The following TARBP1 variants were observed in gnomAD, a reference collection of about 807,000 sequenced individuals.
The protein encoded by TARBP1 is tRNA guanosine 2 -O-methyltransferase TARBP1.
Under a neutral mutation model 178.6 loss-of-function variants are expected in TARBP1, and 144 were observed. That is an observed-to-expected ratio of 0.81 (90% CI 0.70 to 0.93). The LOEUF is 0.93. TARBP1 is among the 40% of genes least tolerant of loss of function. The probability of loss-of-function intolerance (pLI) is 0.00; values close to 1 mark genes in which losing one functional copy is unlikely to be tolerated. For synonymous variants in TARBP1, 787 were observed against 781.0 expected, an observed-to-expected ratio of 1.01 and a Z score of -0.13; for missense variants, 2,067 against 2,011.7, an observed-to-expected ratio of 1.03 and a Z score of -0.53.
chr1:234,467,116 T>C (rs536603195), intron 4 of TARBP1, among the ~76,000 whole-genome samples: 23 of 152,328 alleles, frequency 1.5e-4, no homozygotes, highest in African/African-American at 5.1e-4. Context: ...AGCAATTCAT[T>C]GAGTCAGAAT....
intron 9 of TARBP1, among the ~76,000 whole-genome samples, chr1:234,451,947 A>G (rs1183402212): frequency 6.6e-6 from 1 of 152,006 alleles, no homozygotes; most frequent in East Asian, 1.9e-4. Flanking sequence ...AACAGTATAC[A>G]CTTTTCTTTG....
intron 22 of TARBP1, among the ~76,000 whole-genome samples, chr1:234,414,147 C>T (rs542316318): frequency 5.9e-5 from 9 of 152,310 alleles, no homozygotes; most frequent in African/African-American, 1.4e-4. Flanking sequence ...TTGTGGGCCA[C>T]GCAGTCTCTG....
chr1:234,430,723 A>C (rs910433750), intron 14 of TARBP1, among the ~76,000 whole-genome samples: 1 of 152,236 alleles, frequency 6.6e-6, no homozygotes, highest in South Asian at 2.1e-4. Context: ...ATGTTAAAAA[A>C]AAAAATAAAA....
chr1:234,453,472 G>A (rs1666988930), intron 9 of TARBP1, among the ~76,000 whole-genome samples: 1 of 151,844 alleles, frequency 6.6e-6, no homozygotes, highest in African/African-American at 2.4e-5. Flanking sequence ...TTACAGGCAT[G>A]AGCCACCATG....
chr1:234,434,423 G>A (rs1664799252), intron 13 of TARBP1, among the ~76,000 whole-genome samples: 1 of 152,176 alleles, frequency 6.6e-6, no homozygotes, highest in South Asian at 2.1e-4. Context: ...CAGGTGCTGG[G>A]ATACAGTGCA....
At chr1:234,434,481 G>C (rs921730802) in intron 13 of TARBP1, among the ~76,000 whole-genome samples, 2 of 152,186 alleles carry the variant, frequency 1.3e-5, no homozygotes, top group Non-Finnish European at 2.9e-5. Flanking sequence ...AAGAGTGAGG[G>C]ATGAAGGTGC....
At position 234,429,202 on chromosome 1, in the gene TARBP1, A is replaced by C. The variant is rs151122866; in HGVS notation, c.2994T>G (p.Val998=). 9 of 1,606,886 alleles carry C rather than the reference A, an allele frequency of 5.6e-6. No individual in the cohort carries two copies. The highest frequency in any genetic ancestry group is 7.6e-6 in the Non-Finnish European group (9 of 1,178,344). ...CAATGGTAAGAACTTTGTTATCAAA[A>C]ACAAACTGAACAAAAGCTTTTAAAT... ...WANLKAFVQF[V]FDNKVLTIAA... Residue 998 remains valine (V), a synonymous_variant, in exon 17 of 30, where the codon GTT becomes GTG. Transcript: ENST00000040877.
intron 6 of TARBP1, among the ~76,000 whole-genome samples, chr1:234,460,693 G>A (rs183588263): frequency 2.1e-4 from 32 of 152,222 alleles, no homozygotes; most frequent in Non-Finnish European, 4.0e-4. Context: ...CTACTTCCAG[G>A]TATATATCCA....
At chr1:234,449,042 G>A (rs2103216612) in intron 10 of TARBP1, among the ~76,000 whole-genome samples, 1 of 152,214 alleles carries the variant, frequency 6.6e-6, no homozygotes, top group African/African-American at 2.4e-5. Flanking sequence ...AAAGATGAAG[G>A]GACACGAGAA....
Position 234,471,274 on chromosome 1 carries a change from A to G in TARBP1, c.1030-17T>C. The G allele has an allele frequency of 6.6e-7, 1 of 1,510,058 alleles. No homozygotes were observed. The allele number at this position is 1,510,058 out of a possible 1,614,324, so 93.5% of individuals were successfully genotyped here. A position where few individuals can be genotyped will look rare whatever the true frequency, so the allele number is the denominator to read the frequency against. ...AACATGTATCTAAAAATAAGAGCAA[A>G]AAAATCATATGAAATGAAAATGCAT... is the stretch of plus-strand genomic sequence containing the variant. On this transcript the variant is annotated splice_polypyrimidine_tract_variant and intron_variant, in intron 2 of 29. Coordinates refer to ENST00000040877, the MANE Select transcript of TARBP1 (RefSeq NM_005646.4).
chr1:234,457,729 T>C lies in TARBP1; in HGVS notation c.1660A>G (p.Thr554Ala), dbSNP rs755093616. 4.3e-6 allele frequency: 7 copies of C among 1,609,998 alleles called. No individual in the cohort carries two copies. Among genetic ancestry groups the C allele is most frequent in the African/African-American group, 1.3e-5 (1 of 74,790 alleles). ...VEKVSLSDVSTFLMSLRQEES... is the reference protein window; with the variant it reads ...VEKVSLSDVSAFLMSLRQEES... Reference sequence around the variant, plus strand: ...TCTTGTCTCAGAGACATGAGAAAAGTTGAGACATCAGAAAGTGACACTTTC... The same window carrying C: ...TCTTGTCTCAGAGACATGAGAAAAGCTGAGACATCAGAAAGTGACACTTTC... Residue 554 changes from threonine (T) to alanine (A), a missense_variant, in exon 9 of 30, where the codon ACT becomes GCT. Thr to Ala is a moderately conservative substitution (Grantham distance 58). Coordinates refer to ENST00000040877, the MANE Select transcript of TARBP1 (RefSeq NM_005646.4).
At chr1:234,451,766 A>AAAAAAAAAAAAAC (rs57636903) in intron 9 of TARBP1, among the ~76,000 whole-genome samples, 2 of 17,176 alleles carry the variant, frequency 1.2e-4, no homozygotes, top group African/African-American at 4.1e-4. Flanking sequence ...AAAAAAAAAA[A>AAAAAAAAAAAAAC]TGATGAATGA....
intron 22 of TARBP1, among the ~76,000 whole-genome samples, chr1:234,416,842 A>G (rs2103083592): frequency 6.6e-6 from 1 of 152,224 alleles, no homozygotes; most frequent in South Asian, 2.1e-4. Context: ...TGATTATGGA[A>G]AGGCCCTGCA....
At chr1:234,450,017 CAGTT>C (rs1047484417) in intron 10 of TARBP1, among the ~76,000 whole-genome samples, 5 of 152,176 alleles carry the variant, frequency 3.3e-5, no homozygotes, top group African/African-American at 1.2e-4. Flanking sequence ...TTTTCATAAT[CAGTT>C]CATACTAAAC....
intron 6 of TARBP1, among the ~76,000 whole-genome samples, chr1:234,462,106 T>TA (rs1667916354): frequency 6.6e-6 from 1 of 151,638 alleles, no homozygotes; most frequent in Non-Finnish European, 1.5e-5. Context: ...CCATTTGCAC[T>TA]AACTAAATTC....
intron 12 of TARBP1, among the ~76,000 whole-genome samples, 191 bp downstream of exon 12, chr1:234,446,612 T>C (rs1036862249): frequency 1.2e-4 from 12 of 103,266 alleles, no homozygotes; most frequent in African/African-American, 4.0e-4. Flanking sequence ...CACTGGGAGA[T>C]ACTCAATAAA....
intron 9 of TARBP1, among the ~76,000 whole-genome samples, chr1:234,453,545 T>A (rs1055125782): frequency 6.6e-6 from 1 of 151,922 alleles, no homozygotes; most frequent in Admixed American, 6.6e-5. Flanking sequence ...TTTCAAAAAA[T>A]AAAATCTATT....
chr1:234,418,246 G>C lies in TARBP1; in HGVS notation c.3556-13C>G, dbSNP rs1275452546. 1 of 1,544,008 alleles carries C rather than the reference G, an allele frequency of 6.5e-7. No individual in the cohort carries two copies. The highest frequency in any genetic ancestry group is 8.6e-7 in the Non-Finnish European group (1 of 1,158,042). On this transcript the variant is annotated splice_polypyrimidine_tract_variant and intron_variant, in intron 21 of 29. Coordinates refer to ENST00000040877, the MANE Select transcript of TARBP1 (RefSeq NM_005646.4). The stretch of plus-strand genomic sequence containing the variant: ...CATTCAAGAAATTCTGAGAAAAAAA[G>C]TTCACAATTAACCAGTTACAGTTAT...
At chr1:234,416,841 A>G (rs1459795351) in intron 22 of TARBP1, among the ~76,000 whole-genome samples, 2 of 152,178 alleles carry the variant, frequency 1.3e-5, no homozygotes, top group Non-Finnish European at 2.9e-5. Flanking sequence ...GTGATTATGG[A>G]AAGGCCCTGC....
Sources: gnomAD v4.1 joint callset for allele counts (sites outside exome capture counted in the v4.1 genomes callset) on GRCh38, gnomAD v4.1.1 for gene constraint, MANE v1.5 for transcripts, NCBI Gene and HGNC (gene_info 2026-07-23, HGNC 2026-07-21) for gene names.